WASHC2A: variants seen among roughly 807,000 people sequenced by gnomAD.
The protein encoded by WASHC2A is WASH complex subunit 2A.
Under a neutral mutation model 140.3 loss-of-function variants are expected in WASHC2A, and 82 were observed. The ratio of observed to expected loss-of-function variants is 0.58; its 90% confidence interval spans 0.49 to 0.70. The LOEUF (loss-of-function observed/expected upper bound fraction) is 0.70, where lower values mean the gene tolerates loss of function less well. WASHC2A is among the 30% of genes least tolerant of loss of function. The probability of loss-of-function intolerance (pLI) is 0.00; values close to 1 mark genes in which losing one functional copy is unlikely to be tolerated. For synonymous variants in WASHC2A, 340 were observed against 560.8 expected, an observed-to-expected ratio of 0.61 and a Z score of 5.56; for missense variants, 985 against 1,521.8, an observed-to-expected ratio of 0.65 and a Z score of 5.87.
intron 7 of WASHC2A, among the ~76,000 whole-genome samples, chr10:50,086,139 T>C (rs1206069521): frequency 6.6e-6 from 1 of 151,604 alleles, no homozygotes. Flanking sequence ...GACACAGCCA[T>C]GTTGCAGGAG....
chr10:50,128,305 A>G (rs1402753677), intron 28 of WASHC2A, among the ~76,000 whole-genome samples: 1 of 152,006 alleles, frequency 6.6e-6, no homozygotes, highest in Non-Finnish European at 1.5e-5. Context: ...GCTGCTGCCC[A>G]AGGCTCCTGC....
At chr10:50,130,850 A>G (rs1399321039) in intron 29 of WASHC2A, 51 bp from the exon 30 acceptor site, 4 of 1,607,882 alleles carry the variant, frequency 2.5e-6, no homozygotes, top group African/African-American at 1.3e-5. Context: ...TTTGAGCTTA[A>G]AAAGAAAAAT....
At chr10:50,099,192 C>T (rs1242587424) in intron 16 of WASHC2A, among the ~76,000 whole-genome samples, 1 of 151,906 alleles carries the variant, frequency 6.6e-6, no homozygotes, top group Admixed American at 6.6e-5. Context: ...CCTCTCCTTC[C>T]CCGATTTTTA....
At chr10:50,129,022 C>T (rs1208840196) in intron 28 of WASHC2A, among the ~76,000 whole-genome samples, 174 of 152,096 alleles carry the variant, frequency 1.1e-3, no homozygotes, top group African/African-American at 3.9e-3. Flanking sequence ...CAGAATTCCC[C>T]GATTCTTTCT....
intron 25 of WASHC2A, among the ~76,000 whole-genome samples, chr10:50,125,807 A>G (rs1167008040): frequency 1.4e-4 from 21 of 151,968 alleles, no homozygotes; most frequent in African/African-American, 4.6e-4. Context: ...TAGCCTTTCT[A>G]TGTCATTTTC....
Position 50,126,037 on chromosome 10 carries a change from G to C in WASHC2A, c.2689-20G>C, listed in dbSNP as rs550215423. ...TTCTAAGATATTTGATGGCTTTTTG[G>C]TATTTTTTTTCTTTTGAAGGTACAA... On this transcript the variant is annotated intron_variant, in intron 25 of 30. Coordinates refer to ENST00000282633, the MANE Select transcript of WASHC2A (RefSeq NM_001005751.3). 1.3e-4 allele frequency: 203 copies of C among 1,611,372 alleles called. 1 individual carries two copies. In the East Asian group the frequency reaches 4.2e-3, roughly 33 times the overall value.
At chr10:50,125,046 A>T (rs1193388289) in intron 23 of WASHC2A, 67 bp from the exon 24 acceptor site, 1 of 1,527,956 alleles carries the variant, frequency 6.5e-7, no homozygotes, top group South Asian at 1.3e-5. Context: ...CCATCTTTAC[A>T]TATGTAACTT....
intron 3 of WASHC2A, among the ~76,000 whole-genome samples, 200 bp downstream of exon 3, chr10:50,069,911 A>T (rs1837645989): frequency 6.6e-6 from 1 of 152,194 alleles, no homozygotes; most frequent in African/African-American, 2.4e-5. Context: ...AAAAAGTCTA[A>T]TGATAACATT....
rs1589280477 is a variant in WASHC2A at position 50,125,144 on chromosome 10, C to T, written c.2510C>T (p.Thr837Ile). The T allele has an allele frequency of 6.2e-7, 1 of 1,611,718 alleles. No individual in the cohort carries two copies. The highest frequency in any genetic ancestry group is 8.5e-7 in the Non-Finnish European group (1 of 1,179,834). Reference sequence around the variant, plus strand: ...GATCCTGATGCCCACCCCAAGAGCACAGGTGTCTTCCAGGATGAAGAGCTG... The same window carrying T: ...GATCCTGATGCCCACCCCAAGAGCATAGGTGTCTTCCAGGATGAAGAGCTG... ...GRDPDAHPKS[T>I]GVFQDEELLF... The change falls in exon 24 of 31, where the codon ACA becomes ATA. Residue 837 changes from threonine to isoleucine, a missense_variant. Physicochemically the swap from Thr to Ile is moderately conservative, Grantham distance 89. Transcript: ENST00000282633.
intron 20 of WASHC2A, among the ~76,000 whole-genome samples, chr10:50,113,317 T>A (rs1388929583): frequency 1.3e-5 from 2 of 152,048 alleles, no homozygotes; most frequent in Non-Finnish European, 2.9e-5. Context: ...ATTGTGCCAT[T>A]GCTCTCCAGC....
intron 14 of WASHC2A, 49 bp from the exon 15 acceptor site, chr10:50,095,550 C>T (rs781790179): frequency 0.23 from 371,804 of 1,606,198 alleles, 48,293 homozygotes; most frequent in East Asian, 0.66. Flanking sequence ...TAAATTCAAC[C>T]GGCCCACACT....
At chr10:50,128,849 C>A (rs1464019281) in intron 28 of WASHC2A, among the ~76,000 whole-genome samples, 8 of 151,898 alleles carry the variant, frequency 5.3e-5, no homozygotes, top group Admixed American at 2.6e-4. Context: ...ATGAAAAGTT[C>A]TGATTTCTAA....
intron 28 of WASHC2A, among the ~76,000 whole-genome samples, chr10:50,128,079 A>G (rs1460386371): frequency 6.6e-6 from 1 of 151,002 alleles, no homozygotes; most frequent in African/African-American, 2.4e-5. Flanking sequence ...CAGCACTGCC[A>G]CCTGGGGGTC....
rs565052931 is a variant in WASHC2A at position 50,102,389 on chromosome 10, G to A, written c.1636-1653G>A. Among the ~76,000 whole-genome samples the A allele has an allele frequency of 9.2e-5, 14 of 152,238 alleles. No individual in the cohort carries two copies. The East Asian group carries it at 9.7e-4, about 11-fold the overall frequency. On this transcript the variant is annotated intron_variant, in intron 17 of 30. Transcript: ENST00000282633. The stretch of plus-strand genomic sequence containing the variant: ...GTCTTTTCTTGCAGTACCAAGAAAG[G>A]TATCAGTTAAGGGTCCGAAACTGTG...
rs1844142764 is a variant in WASHC2A at position 50,133,306 on chromosome 10, T to C, written c.*361T>C. On this transcript the variant is annotated 3_prime_UTR_variant, in exon 31 of 31. Coordinates refer to ENST00000282633, the MANE Select transcript of WASHC2A (RefSeq NM_001005751.3). ...CACCTGACCAGAAGTCTTTGTTATATGGATGGGAACCCTAACTTAGGGCCT... is the reference window on the plus strand; with the variant it reads ...CACCTGACCAGAAGTCTTTGTTATACGGATGGGAACCCTAACTTAGGGCCT... 1.9e-6 allele frequency: 1 copy of C among 519,746 alleles called. No individual in the cohort carries two copies. Among genetic ancestry groups the C allele is most frequent in the East Asian group, 5.6e-5 (1 of 17,832 alleles). The allele number at this position is 519,746 out of a possible 1,614,324, so 32.2% of individuals were successfully genotyped here.
chr10:50,102,356 A>G (rs1841283342), intron 17 of WASHC2A, among the ~76,000 whole-genome samples: 1 of 152,140 alleles, frequency 6.6e-6, no homozygotes, highest in African/African-American at 2.4e-5. Context: ...ATTTGAGGTA[A>G]TGGAAGTGTC....
At chr10:50,124,753 C>T (rs1843281775) in intron 23 of WASHC2A, among the ~76,000 whole-genome samples, 1 of 150,860 alleles carries the variant, frequency 6.6e-6, no homozygotes, top group African/African-American at 2.4e-5. Context: ...TGTTTTTTAC[C>T]TTCAAAATGT....
Position 50,095,743 on chromosome 10 carries a change from T to C in WASHC2A, c.1385T>C (p.Phe462Ser), listed in dbSNP as rs1312737497. The change falls in exon 15 of 31, where the codon TTT (phenylalanine) becomes TCT (serine). Residue 462 changes from phenylalanine to serine, a missense_variant. Transcript: ENST00000282633. Reference protein sequence around the residue: ...DDDDGDDDDDFFSAPHSKPSK... With the variant: ...DDDDGDDDDDSFSAPHSKPSK... ...GATGATGGTGATGATGATGACGACT[T>C]TTTCTCGGCACCCCACAGCAAACCT... The C allele has an allele frequency of 1.3e-5, 21 of 1,610,962 alleles. No individual in the cohort carries two copies. In the African/African-American group the frequency reaches 2.5e-4, roughly 19 times the overall value.
intron 8 of WASHC2A, among the ~76,000 whole-genome samples, chr10:50,088,265 ATTTTC>A (rs1839565864): frequency 6.9e-6 from 1 of 144,024 alleles, no homozygotes; most frequent in African/African-American, 2.5e-5. Context: ...TGTATTCAAT[ATTTTC>A]TTTTCTTTTT....
Sources: gnomAD v4.1 joint callset for allele counts (sites outside exome capture counted in the v4.1 genomes callset) on GRCh38, gnomAD v4.1.1 for gene constraint, MANE v1.5 for transcripts, NCBI Gene and HGNC (gene_info 2026-07-23, HGNC 2026-07-21) for gene names.